Variants in TSPAN5 observed in about 807,000 individuals in gnomAD.
The protein encoded by TSPAN5 is tetraspanin-5.
In TSPAN5, 10 loss-of-function variants were observed where a neutral mutation model predicts 37.1. That is an observed-to-expected ratio of 0.27 (90% CI 0.17 to 0.46). The LOEUF (loss-of-function observed/expected upper bound fraction) is 0.46, where lower values mean the gene tolerates loss of function less well. Among genes scored for constraint, TSPAN5 ranks in the 20% least tolerant of loss-of-function variants. The pLI is 1.00. For missense variants in TSPAN5, 195 were observed against 326.6 expected, an observed-to-expected ratio of 0.60 and a Z score of 3.11; for synonymous variants, 110 against 118.9, an observed-to-expected ratio of 0.93 and a Z score of 0.48.
intron 1 of TSPAN5, among the ~76,000 whole-genome samples, chr4:98,532,133 C>A (rs1754107689): frequency 6.6e-6 from 1 of 152,166 alleles, no homozygotes; most frequent in Non-Finnish European, 1.5e-5. Context: ...AGTCTTTGCC[C>A]ATGCCTATGT....
intron 1 of TSPAN5, among the ~76,000 whole-genome samples, chr4:98,555,966 C>T (rs1010656696): frequency 6.7e-6 from 1 of 149,660 alleles, no homozygotes; most frequent in Non-Finnish European, 1.5e-5. Flanking sequence ...AATCACTCCA[C>T]ACACGCGCGC....
At chr4:98,548,010 T>G (rs1578983696) in intron 1 of TSPAN5, among the ~76,000 whole-genome samples, 1 of 40,598 alleles carries the variant, frequency 2.5e-5, no homozygotes, top group African/African-American at 1.5e-4. Flanking sequence ...AGACTCTGTC[T>G]CAAAAAAAAA....
chr4:98,611,308 CT>C (rs1263797138), intron 1 of TSPAN5, among the ~76,000 whole-genome samples: 2 of 152,132 alleles, frequency 1.3e-5, no homozygotes, highest in African/African-American at 4.8e-5. Context: ...CAATTTCCTC[CT>C]TTATAAACTG....
Position 98,510,159 on chromosome 4 carries a change from AT to A in TSPAN5, c.82-2432del, listed in dbSNP as rs370805491. Among the ~76,000 whole-genome samples the A allele has an allele frequency of 1.9e-3, 293 of 152,314 alleles. 1 individual carries two copies. The highest frequency in any genetic ancestry group is 3.5e-3 in the Non-Finnish European group (238 of 68,020). ...ATTTTACTCTGAAATAGGCGCTCTT[AT>A]TATCCCCTTTTTAGGAAAGAGGAAA... On this transcript the variant is annotated intron_variant, in intron 1 of 7. Coordinates refer to ENST00000305798, the MANE Select transcript of TSPAN5 (RefSeq NM_005723.4).
chr4:98,601,354 T>C (rs1280937193), intron 1 of TSPAN5, among the ~76,000 whole-genome samples: 1 of 152,264 alleles, frequency 6.6e-6, no homozygotes, highest in Admixed American at 6.5e-5. Flanking sequence ...CTGTTTCATC[T>C]ACATCAGAAA....
intron 7 of TSPAN5, among the ~76,000 whole-genome samples, chr4:98,473,192 CTAGGAG>C (rs1752623655): frequency 6.6e-6 from 1 of 152,172 alleles, no homozygotes; most frequent in African/African-American, 2.4e-5. Context: ...GGGTACTCCT[CTAGGAG>C]TAGAATTGCT....
At chr4:98,506,275 T>C (rs1019745804) in intron 2 of TSPAN5, among the ~76,000 whole-genome samples, 2 of 152,198 alleles carry the variant, frequency 1.3e-5, no homozygotes, top group African/African-American at 4.8e-5. Flanking sequence ...AAGTTAACCA[T>C]AATCCAAGAC....
intron 1 of TSPAN5, among the ~76,000 whole-genome samples, chr4:98,578,912 C>T (rs531794620): frequency 6.6e-6 from 1 of 152,272 alleles, no homozygotes; most frequent in South Asian, 2.1e-4. Flanking sequence ...ACTACACATG[C>T]CAACTGAAAG....
chr4:98,501,730 C>T (rs1400475276), intron 2 of TSPAN5, among the ~76,000 whole-genome samples: 2 of 152,100 alleles, frequency 1.3e-5, no homozygotes, highest in African/African-American at 2.4e-5. Flanking sequence ...TGAGGAAGCA[C>T]ACAGTATGAA....
chr4:98,507,540 A>G (rs144598405), intron 2 of TSPAN5, 138 bp downstream of exon 2: 181 of 561,012 alleles, frequency 3.2e-4, no homozygotes, highest in African/African-American at 3.1e-3. Flanking sequence ...TATGACATTA[A>G]TCTTCCACCA....
intron 1 of TSPAN5, among the ~76,000 whole-genome samples, chr4:98,611,959 G>C (rs1405223087): frequency 6.6e-6 from 1 of 152,166 alleles, no homozygotes; most frequent in African/African-American, 2.4e-5. Flanking sequence ...CTTGTGTAGG[G>C]AACCACCACA....
At chr4:98,553,507 T>C (rs935173742) in intron 1 of TSPAN5, among the ~76,000 whole-genome samples, 2 of 152,182 alleles carry the variant, frequency 1.3e-5, no homozygotes, top group East Asian at 3.8e-4. Flanking sequence ...GACAACGTAA[T>C]AATACAATTT....
intron 1 of TSPAN5, among the ~76,000 whole-genome samples, chr4:98,608,759 T>C (rs948419405): frequency 2.0e-5 from 3 of 152,192 alleles, no homozygotes; most frequent in Non-Finnish European, 4.4e-5. Context: ...AACCTCACTG[T>C]GTCTTCTTCA....
At position 98,548,284 on chromosome 4, in the gene TSPAN5, AATG is replaced by A. The variant is rs1042530136; in HGVS notation, c.82-40559_82-40557del. Among the ~76,000 whole-genome samples, 94 of 152,286 alleles carry A rather than the reference AATG, an allele frequency of 6.2e-4. 1 individual carries two copies. Among genetic ancestry groups the A allele is most frequent in the African/African-American group, 2.2e-3 (90 of 41,564 alleles). ...AACAAAACCAGCAAACAAACAAAAC[AATG>A]ATATTAACATTTCCTACTTATCTTT... On this transcript the variant is annotated intron_variant, in intron 1 of 7. Coordinates refer to ENST00000305798, the MANE Select transcript of TSPAN5 (RefSeq NM_005723.4).
At chr4:98,571,471 A>G (rs1353644540) in intron 1 of TSPAN5, among the ~76,000 whole-genome samples, 1 of 146,840 alleles carries the variant, frequency 6.8e-6, no homozygotes, top group Non-Finnish European at 1.5e-5. Flanking sequence ...TTTTTTTCAA[A>G]TTTACAATGT....
chr4:98,497,165 A>T (rs1753230100), intron 2 of TSPAN5, among the ~76,000 whole-genome samples: 1 of 152,080 alleles, frequency 6.6e-6, no homozygotes, highest in South Asian at 2.1e-4. Flanking sequence ...TCTCTACTAA[A>T]AATACAAAAA....
At chr4:98,612,661 C>G (rs2110236325) in intron 1 of TSPAN5, among the ~76,000 whole-genome samples, 1 of 152,332 alleles carries the variant, frequency 6.6e-6, no homozygotes, top group South Asian at 2.1e-4. Context: ...CACCTGCCAT[C>G]TCTGCCAGGA....
chr4:98,574,949 T>G (rs894588364), intron 1 of TSPAN5: 1 of 153,648 alleles, frequency 6.5e-6, no homozygotes, highest in Non-Finnish European at 1.5e-5. Flanking sequence ...GCTAGCCAGG[T>G]GAAGAGGGTG....
chr4:98,529,273 T>C (rs1452438612), intron 1 of TSPAN5, among the ~76,000 whole-genome samples: 5 of 152,262 alleles, frequency 3.3e-5, no homozygotes, highest in Non-Finnish European at 5.9e-5. Flanking sequence ...TTACTACTCA[T>C]TCAACTAAAG....
Sources: gnomAD v4.1 joint callset for allele counts (sites outside exome capture counted in the v4.1 genomes callset) on GRCh38, gnomAD v4.1.1 for gene constraint, MANE v1.5 for transcripts, NCBI Gene and HGNC (gene_info 2026-07-23, HGNC 2026-07-21) for gene names.